Variants in FLNB observed in about 807,000 individuals in gnomAD.
FLNB encodes filamin B, also known as filamin-B.
In FLNB, 111 loss-of-function variants were observed where a neutral mutation model predicts 250.6. The observed-to-expected ratio is 0.44, with a 90% CI of 0.38 to 0.52. The LOEUF (loss-of-function observed/expected upper bound fraction) is 0.52, where lower values mean the gene tolerates loss of function less well. Ranked by LOEUF, FLNB falls within the 20% of genes least tolerant of loss-of-function variation. FLNB has a pLI of 0.00. For missense variants in FLNB, 2,869 were observed against 3,447.8 expected (o/e 0.83, Z 4.20); for synonymous variants, 1,302 against 1,372.1 (o/e 0.95, Z 1.13).
At chr3:58,071,405 A>C (rs1054018172) in intron 1 of FLNB, among the ~76,000 whole-genome samples, 2 of 151,054 alleles carry the variant, frequency 1.3e-5, no homozygotes, top group Non-Finnish European at 2.9e-5. Flanking sequence ...CAGCCACCCA[A>C]GTAGCTGGGA....
Position 58,106,841 on chromosome 3 carries a change from C to T in FLNB, c.1909C>T (p.His637Tyr). 3.7e-6 allele frequency: 6 copies of T among 1,614,006 alleles called. No homozygotes were observed. Among genetic ancestry groups the T allele is most frequent in the South Asian group, 3.3e-5 (3 of 91,074 alleles). The stretch of plus-strand genomic sequence containing the variant: ...GGACAGCCCGTACATGGCCTTCATC[C>T]ACCCAGCCACGGGAGGCTACAACCC... The part of the protein sequence containing the change: ...IKDSPYMAFI[H>Y]PATGGYNPDL... Residue 637 changes from histidine to tyrosine, a missense_variant, in exon 12 of 46, where the codon CAC becomes TAC. This residue lies in a region of FLNB where 1,348 missense variants were observed against 1,466.7 expected (regional missense o/e 0.92). Coordinates refer to ENST00000295956, the MANE Select transcript of FLNB (RefSeq NM_001457.4).
chr3:58,157,358 T>C (rs1337503146), intron 41 of FLNB, among the ~76,000 whole-genome samples: 2 of 152,200 alleles, frequency 1.3e-5, no homozygotes, highest in African/African-American at 4.8e-5. Context: ...ATGTCTAAGA[T>C]TGGTGATATC....
At chr3:58,112,001 T>A in intron 17 of FLNB, 120 bp downstream of exon 17, 1 of 1,183,780 alleles carries the variant, frequency 8.4e-7, no homozygotes, top group East Asian at 2.3e-5. Flanking sequence ...CTGGCAGGTT[T>A]TCTGTGCAGC....
intron 18 of FLNB, among the ~76,000 whole-genome samples, chr3:58,114,078 A>G (rs1444029705): frequency 6.6e-6 from 1 of 151,712 alleles, no homozygotes; most frequent in Non-Finnish European, 1.5e-5. Flanking sequence ...GCTGCATTCC[A>G]CTGTATGTAT....
chr3:58,154,079 T>C lies in FLNB; in HGVS notation c.6634+438T>C, dbSNP rs147638609. Among the ~76,000 whole-genome samples the C allele has an allele frequency of 2.9e-3, 445 of 152,332 alleles. 3 individuals are homozygous for C. Among genetic ancestry groups the C allele is most frequent in the African/African-American group, 0.01 (426 of 41,588 alleles). The stretch of plus-strand genomic sequence containing the variant: ...CTTTCTCTGGCTTGGTTAAGGTGTA[T>C]TCATTTTTTAAATTTTTTATTTAAT... On this transcript the variant is annotated intron_variant, in intron 39 of 45. Transcript: ENST00000295956.
In FLNB at chr3:58,098,734, G is replaced by T; in HGVS notation, c.1171G>T (p.Val391Leu). 1.2e-6 allele frequency: 2 copies of T among 1,614,174 alleles called. No homozygotes were observed. Among genetic ancestry groups the T allele is most frequent in the Non-Finnish European group, 1.7e-6 (2 of 1,180,032 alleles). The change falls in exon 8 of 46, where the codon GTG becomes TTG. Residue 391 changes from valine (V) to leucine (L), a missense_variant. Transcript: ENST00000295956. Reference protein sequence around the residue: ...TAGAGVGDIGVEVEDPQGKNT... With the variant: ...TAGAGVGDIGLEVEDPQGKNT... Reference sequence around the variant, plus strand: ...AGGAGCTGGTGTGGGTGACATTGGTGTGGAGGTGGAAGATCCCCAGGGGAA... The same window carrying T: ...AGGAGCTGGTGTGGGTGACATTGGTTTGGAGGTGGAAGATCCCCAGGGGAA...
chr3:58,140,614 TTTG>T (rs1342358092), intron 29 of FLNB, among the ~76,000 whole-genome samples: 1 of 152,134 alleles, frequency 6.6e-6, no homozygotes, highest in Non-Finnish European at 1.5e-5. Flanking sequence ...TTAAATCTTT[TTTG>T]TTTTTTTTTG....
Position 58,143,525 on chromosome 3 carries a change from C to A in FLNB, c.5337C>A (p.Asn1779Lys), listed in dbSNP as rs1403268319. The change falls in exon 32 of 46, where the codon AAC becomes AAA. Residue 1779 changes from asparagine to lysine, a missense_variant. Coordinates refer to ENST00000295956, the MANE Select transcript of FLNB (RefSeq NM_001457.4). Reference protein sequence around the residue: ...GKTATPEIVDNKDGTVTVRYA... With the variant: ...GKTATPEIVDKKDGTVTVRYA... ...CAGCCACACCTGAGATTGTGGACAA[C>A]AAGGACGGCACGGTCACTGTTAGAT... 3.7e-6 allele frequency: 6 copies of A among 1,614,070 alleles called. No individual in the cohort carries two copies. Among genetic ancestry groups the A allele is most frequent in the Non-Finnish European group, 5.1e-6 (6 of 1,180,044 alleles).
chr3:58,031,838 C>T (rs2097131554), intron 1 of FLNB, among the ~76,000 whole-genome samples: 1 of 151,914 alleles, frequency 6.6e-6, no homozygotes, highest in South Asian at 2.1e-4. Context: ...ACCACTGCAC[C>T]CCCATCCAAA....
chr3:58,099,099 C>T (rs959767019), intron 8 of FLNB, among the ~76,000 whole-genome samples, 191 bp downstream of exon 8: 5 of 152,094 alleles, frequency 3.3e-5, no homozygotes, highest in African/African-American at 1.2e-4. Flanking sequence ...CTATGAGCCA[C>T]GCAGAGACCT....
At chr3:58,088,855 A>G (rs1243001729) in intron 4 of FLNB, among the ~76,000 whole-genome samples, 1 of 152,174 alleles carries the variant, frequency 6.6e-6, no homozygotes, top group Non-Finnish European at 1.5e-5. Context: ...CTCCGGGGCC[A>G]TGGAGGAGCA....
intron 44 of FLNB, 58 bp downstream of exon 44, chr3:58,168,716 A>C: frequency 7.9e-7 from 1 of 1,266,732 alleles, no homozygotes; most frequent in Non-Finnish European, 1.2e-6. Flanking sequence ...GTTGTGTCAG[A>C]TCAATCATAG....
chr3:58,019,615 A>G (rs944742334), intron 1 of FLNB, among the ~76,000 whole-genome samples: 2 of 152,218 alleles, frequency 1.3e-5, no homozygotes, highest in African/African-American at 4.8e-5. Flanking sequence ...CACACTCTGT[A>G]AAGTAAAATA....
intron 42 of FLNB, among the ~76,000 whole-genome samples, chr3:58,161,191 C>A (rs185303632): frequency 6.6e-6 from 1 of 152,200 alleles, no homozygotes; most frequent in African/African-American, 2.4e-5. Context: ...AGAGGAGGGA[C>A]TTGAGGCCAG....
chr3:58,083,562 T>A (rs923498272), intron 4 of FLNB, among the ~76,000 whole-genome samples: 1 of 151,972 alleles, frequency 6.6e-6, no homozygotes, highest in African/African-American at 2.4e-5. Context: ...AGATGGGGTT[T>A]CACCATGTTG....
At chr3:58,115,519 T>C (rs2097276432) in intron 18 of FLNB, among the ~76,000 whole-genome samples, 2 of 152,324 alleles carry the variant, frequency 1.3e-5, no homozygotes, top group Admixed American at 1.3e-4. Flanking sequence ...TGCTGCTGGT[T>C]GAGGCAGAAG....
intron 14 of FLNB, 64 bp from the exon 15 acceptor site, chr3:58,109,512 T>A: frequency 6.2e-7 from 1 of 1,612,618 alleles, no homozygotes; most frequent in Non-Finnish European, 8.5e-7. Context: ...ACAATGTTTT[T>A]TAATAGTATT....
At chr3:58,139,010 C>A (rs2107235970) in intron 29 of FLNB, among the ~76,000 whole-genome samples, 1 of 152,294 alleles carries the variant, frequency 6.6e-6, no homozygotes, top group Non-Finnish European at 1.5e-5. Flanking sequence ...TGGAAAGATT[C>A]ACACTTTATG....
chr3:58,135,922 A>G (rs2097315120), intron 27 of FLNB, 57 bp from the exon 28 acceptor site: 1 of 1,564,020 alleles, frequency 6.4e-7, no homozygotes, highest in Non-Finnish European at 8.8e-7. Flanking sequence ...AGGGTTTTCC[A>G]TGAATGTTTT....
Sources: gnomAD v4.1 joint callset for allele counts (sites outside exome capture counted in the v4.1 genomes callset) on GRCh38, gnomAD v4.1.1 for gene constraint, gnomAD v4.1.1 regional missense constraint, MANE v1.5 for transcripts, NCBI Gene and HGNC (gene_info 2026-07-23, HGNC 2026-07-21) for gene names.